Variants in POP1 observed in about 807,000 individuals in gnomAD.
POP1 encodes the protein ribonucleases P/MRP protein subunit POP1.
In POP1, 75 loss-of-function variants were observed where a neutral mutation model predicts 102.2. That is an observed-to-expected ratio of 0.73 (90% CI 0.61 to 0.89). The LOEUF is 0.89. POP1 is among the 40% of genes least tolerant of loss of function. The probability of loss-of-function intolerance (pLI) is 0.00; values close to 1 mark genes in which losing one functional copy is unlikely to be tolerated. For missense variants in POP1, 1,116 were observed against 1,267.4 expected, an observed-to-expected ratio of 0.88 and a Z score of 1.81; for synonymous variants, 436 against 464.1, an observed-to-expected ratio of 0.94 and a Z score of 0.78.
In POP1 at chr8:98,142,827, C is replaced by A. The variant is rs193068653; in HGVS notation, c.1594+1939C>A. 4.2e-3 allele frequency among the ~76,000 whole-genome samples: 643 copies of A among 152,306 alleles called. 8 individuals are homozygous for A. Among genetic ancestry groups the A allele is most frequent in the Admixed American group, 7.5e-3 (115 of 15,290 alleles). On this transcript the variant is annotated intron_variant, in intron 11 of 15. Coordinates refer to ENST00000401707, the MANE Select transcript of POP1 (RefSeq NM_001145860.2). Reference sequence around the variant, plus strand: ...ATCCCTTTATATTTTATAGCTCTTGCAAGCACTTTGAGAGCACTGATCTGC... The same window carrying A: ...ATCCCTTTATATTTTATAGCTCTTGAAAGCACTTTGAGAGCACTGATCTGC...
chr8:98,154,848 C>G (rs1292263785), intron 14 of POP1, among the ~76,000 whole-genome samples: 1 of 151,904 alleles, frequency 6.6e-6, no homozygotes, highest in East Asian at 1.9e-4. Flanking sequence ...AATGAGGGAG[C>G]TTTCAGTACT....
In POP1 at chr8:98,117,342, C is replaced by A; in HGVS notation, c.-51C>A. On this transcript the variant is annotated 5_prime_UTR_variant, in exon 1 of 16. The change creates a premature stop within an existing upstream ORF in the 5' untranslated region. Coordinates refer to ENST00000401707, the MANE Select transcript of POP1 (RefSeq NM_001145860.2). The stretch of plus-strand genomic sequence containing the variant: ...GGAGCTTTGGCTCGGTGGGTACTGT[C>A]GCGGAGGCTTGTCATTCTGACCCGG... 1 of 538,768 alleles carries A rather than the reference C, an allele frequency of 1.9e-6. No homozygotes were observed. Among genetic ancestry groups the A allele is most frequent in the Admixed American group, 3.3e-5 (1 of 30,404 alleles). 33.4% of individuals were successfully genotyped at this position (538,768 alleles called of 1,614,324 possible). A position where few individuals can be genotyped will look rare whatever the true frequency, so the allele number is the denominator to read the frequency against.
chr8:98,119,516 G>A (rs1586222629), intron 1 of POP1, among the ~76,000 whole-genome samples: 1 of 152,150 alleles, frequency 6.6e-6, no homozygotes, highest in African/African-American at 2.4e-5. Context: ...CACATATTTA[G>A]TGCTTATTAA....
chr8:98,150,068 C>G (rs993504030), intron 13 of POP1, among the ~76,000 whole-genome samples: 1 of 152,114 alleles, frequency 6.6e-6, no homozygotes, highest in Non-Finnish European at 1.5e-5. Flanking sequence ...ATTGATGCAC[C>G]CTGTGTACCT....
At position 98,156,078 on chromosome 8, in the gene POP1, G is replaced by A. The variant is rs757166458; in HGVS notation, c.2086G>A (p.Val696Ile). ...RRPPAKRPNY[V>I]KLGTLAPFCC... is the part of the protein sequence containing the mutation. ...CCCTCCTGCAAAACGGCCCAACTAC[G>A]TTAAGCTTGGCACTCTGGCACCTTT... Residue 696 changes from valine to isoleucine, a missense_variant, in exon 15 of 16, where the codon GTT becomes ATT. By Grantham distance (29) the Val-to-Ile change is conservative. Coordinates refer to ENST00000401707, the MANE Select transcript of POP1 (RefSeq NM_001145860.2). 3.2e-5 allele frequency: 52 copies of A among 1,613,732 alleles called. No individual in the cohort carries two copies. In the East Asian group the frequency reaches 4.7e-4, roughly 15 times the overall value.
At position 98,127,644 on chromosome 8, in the gene POP1, T is replaced by C. The variant is rs1269279984; in HGVS notation, c.192T>C (p.His64=). The C allele has an allele frequency of 1.2e-6, 2 of 1,614,006 alleles. No homozygotes were observed. The highest frequency in any genetic ancestry group is 2.2e-5 in the East Asian group (1 of 44,892). The change falls in exon 3 of 16, where the codon CAT becomes CAC. Residue 64 remains histidine, a synonymous_variant. Coordinates refer to ENST00000401707, the MANE Select transcript of POP1 (RefSeq NM_001145860.2). ...AGCGGCAAACCAGAGTCAACCCCCA[T>C]TCTCTGCCTGACCCTGAAGTGAATG... ...SRQRQTRVNP[H]SLPDPEVNEQ...
At chr8:98,153,687 A>G (rs7341621) in intron 14 of POP1, among the ~76,000 whole-genome samples, 19,430 of 151,628 alleles carry the variant, frequency 0.13, 1,342 homozygotes, top group Middle Eastern at 0.27. Flanking sequence ...ACAGGTGCCC[A>G]CCACCATGCC....
Position 98,156,277 on chromosome 8 carries a change from C to T in POP1, c.2285C>T (p.Ser762Phe). ...THQPSDEVGT[S>F]IEHPREAEEV... ...CAGCCATCTGATGAAGTGGGCACAT[C>T]CATAGAGCACCCCAGGGAGGCAGAG... Residue 762 changes from serine to phenylalanine, a missense_variant, in exon 15 of 16, where the codon TCC becomes TTC. Coordinates refer to ENST00000401707, the MANE Select transcript of POP1 (RefSeq NM_001145860.2). 1 of 1,614,136 alleles carries T rather than the reference C, an allele frequency of 6.2e-7. No individual in the cohort carries two copies. The highest frequency in any genetic ancestry group is 8.5e-7 in the Non-Finnish European group (1 of 1,180,028).
intron 1 of POP1, among the ~76,000 whole-genome samples, chr8:98,118,152 C>T (rs891366163): frequency 2.0e-5 from 3 of 152,176 alleles, no homozygotes; most frequent in African/African-American, 7.2e-5. Flanking sequence ...GGCCTTCCTA[C>T]TTCCGGCTCA....
intron 5 of POP1, among the ~76,000 whole-genome samples, chr8:98,132,994 C>T (rs981440921): frequency 7.0e-5 from 9 of 127,708 alleles, no homozygotes; most frequent in African/African-American, 2.4e-4. Context: ...AGGAGGATTG[C>T]TTGAGCTCTG....
chr8:98,129,252 G>A (rs1209099835), intron 4 of POP1, among the ~76,000 whole-genome samples: 1 of 152,178 alleles, frequency 6.6e-6, no homozygotes, highest in Non-Finnish European at 1.5e-5. Context: ...CTTTTTCGAA[G>A]TTGAAAACTT....
At chr8:98,127,480 A>G in intron 2 of POP1, 115 bp from the exon 3 acceptor site, 1 of 1,281,526 alleles carries the variant, frequency 7.8e-7, no homozygotes, top group Non-Finnish European at 1.1e-6. Context: ...GCCACCTTAC[A>G]GGGTGACTAT....
intron 11 of POP1, among the ~76,000 whole-genome samples, chr8:98,143,480 C>T (rs1816760032): frequency 6.6e-6 from 1 of 152,004 alleles, no homozygotes; most frequent in Admixed American, 6.6e-5. Flanking sequence ...TAGAGTGGTA[C>T]GTTTGTTACA....
intron 13 of POP1, among the ~76,000 whole-genome samples, chr8:98,150,112 A>G (rs556833217): frequency 6.6e-6 from 1 of 152,308 alleles, no homozygotes; most frequent in East Asian, 1.9e-4. Flanking sequence ...TCCTTTTAAA[A>G]TAATCACTCC....
In POP1 at chr8:98,127,836, C is replaced by G. The variant is rs1816255385; in HGVS notation, c.310+74C>G. Reference sequence around the variant, plus strand: ...GTCTAGTGCAGCAACAAACTGCCCTCCTTGTGGTCCTGGCTCTGCCTCCCC... The same window carrying G: ...GTCTAGTGCAGCAACAAACTGCCCTGCTTGTGGTCCTGGCTCTGCCTCCCC... On this transcript the variant is annotated intron_variant, in intron 3 of 15. Coordinates refer to ENST00000401707, the MANE Select transcript of POP1 (RefSeq NM_001145860.2). 5 of 1,495,782 alleles carry G rather than the reference C, an allele frequency of 3.3e-6. No individual in the cohort carries two copies. The East Asian group carries it at 9.1e-5, about 27-fold the overall frequency. The allele number at this position is 1,495,782 out of a possible 1,614,324, so 92.7% of individuals were successfully genotyped here. A position where few individuals can be genotyped will look rare whatever the true frequency, so the allele number is the denominator to read the frequency against.
At chr8:98,144,555 G>A (rs765555056) in intron 11 of POP1, among the ~76,000 whole-genome samples, 7 of 152,074 alleles carry the variant, frequency 4.6e-5, no homozygotes, top group Admixed American at 3.9e-4. Flanking sequence ...GATTACAGGC[G>A]TGAGCCACTT....
At chr8:98,122,718 G>C (rs1447101002) in intron 1 of POP1, among the ~76,000 whole-genome samples, 1 of 152,036 alleles carries the variant, frequency 6.6e-6, no homozygotes, top group Non-Finnish European at 1.5e-5. Context: ...GTTACATTTA[G>C]GGCATCTATT....
In POP1 at chr8:98,123,362, C is replaced by T; in HGVS notation, c.25C>T (p.His9Tyr). The change falls in exon 2 of 16, where the codon CAC becomes TAC. Residue 9 changes from histidine to tyrosine, a missense_variant. By Grantham distance (83) the His-to-Tyr change is moderately conservative. Coordinates refer to ENST00000401707, the MANE Select transcript of POP1 (RefSeq NM_001145860.2). ...AATGTCAAATGCAAAAGAAAGAAAA[C>T]ACGCCAAGAAAATGAGAAACCAGCC... Reference protein sequence around the residue: MSNAKERKHAKKMRNQPTN... With the variant: MSNAKERKYAKKMRNQPTN... 3 of 1,613,806 alleles carry T rather than the reference C, an allele frequency of 1.9e-6. No individual in the cohort carries two copies. The highest frequency in any genetic ancestry group is 1.6e-4 in the Middle Eastern group (1 of 6,062).
In POP1 at chr8:98,128,472, C is replaced by T. The variant is rs199760739; in HGVS notation, c.418C>T (p.Arg140Ter). The change falls in exon 4 of 16, where the codon CGA becomes TGA. Residue 140 changes from arginine (R) to a stop codon, truncating the protein, a stop_gained. Coordinates refer to ENST00000401707, the MANE Select transcript of POP1 (RefSeq NM_001145860.2). LOFTEE classifies it high-confidence loss of function. The stretch of plus-strand genomic sequence containing the variant: ...TTTTCAGACTCTGCCACGGCACATG[C>T]GACGAAGAGCCATGAGCCACAACGT... ...LVFQTLPRHMRRRAMSHNVKR... is the reference protein window; with the variant it reads ...LVFQTLPRHM The T allele has an allele frequency of 5.0e-6, 8 of 1,613,916 alleles. No individual in the cohort carries two copies. The highest frequency in any genetic ancestry group is 4.0e-5 in the African/African-American group (3 of 75,014).
Sources: allele counts gnomAD v4.1 joint callset (sites outside exome capture counted in the v4.1 genomes callset), GRCh38; gene constraint gnomAD v4.1.1; transcripts MANE v1.5; gene names NCBI Gene and HGNC (gene_info 2026-07-23, HGNC 2026-07-21).